Variants in PGK1 observed in about 807,000 individuals in gnomAD.
The protein encoded by PGK1 is phosphoglycerate kinase 1.
PGK1 carries 3 observed loss-of-function variants against 26.9 expected under a neutral mutation model. The ratio of observed to expected loss-of-function variants is 0.11; its 90% CI spans 0.05 to 0.29. PGK1 has a LOEUF of 0.29. Among genes scored for constraint, PGK1 ranks in the 10% least tolerant of loss-of-function variants. PGK1 has a pLI of 1.00. For missense variants in PGK1, 270 were observed against 314.7 expected, an observed-to-expected ratio of 0.86 and a Z score of 1.07; for synonymous variants, 125 against 115.3, an observed-to-expected ratio of 1.08 and a Z score of -0.54.
At chrX:78,119,544 G>A (rs1421517386) in intron 6 of PGK1, among the ~76,000 whole-genome samples, 1 of 111,772 alleles carries the variant, frequency 8.9e-6, no homozygotes, top group African/African-American at 3.3e-5. Context: ...TCAATTTCAG[G>A]TAGCATAGTT....
intron 4 of PGK1, among the ~76,000 whole-genome samples, chrX:78,116,769 A>G (rs1010756048): frequency 1.8e-4 from 20 of 112,371 alleles, no homozygotes; most frequent in African/African-American, 5.8e-4. Flanking sequence ...AGAAGGTCAT[A>G]AAATACCTTT....
chrX:78,104,577 T>A (rs781896566), intron 1 of PGK1, among the ~76,000 whole-genome samples, 172 bp downstream of exon 1: 2 of 111,046 alleles, frequency 1.8e-5, no homozygotes, highest in African/African-American at 6.6e-5. Flanking sequence ...CTAGCCGCAT[T>A]TTCCCCAGCC....
At chrX:78,114,538 T>TA (rs1557247266) in intron 4 of PGK1, among the ~76,000 whole-genome samples, 1 of 109,323 alleles carries the variant, frequency 9.1e-6, no homozygotes, top group African/African-American at 3.4e-5. Flanking sequence ...CTCTTTAAGA[T>TA]AGAGGTACAG....
At chrX:78,121,902 A>G (rs935951829) in intron 6 of PGK1, among the ~76,000 whole-genome samples, 4 of 112,244 alleles carry the variant, frequency 3.6e-5, no homozygotes, top group East Asian at 2.8e-4. Flanking sequence ...AATAAATGCC[A>G]TAAAGAAAAT....
intron 6 of PGK1, among the ~76,000 whole-genome samples, chrX:78,121,288 C>T (rs1212949250): frequency 1.8e-5 from 2 of 111,906 alleles, no homozygotes; most frequent in East Asian, 2.8e-4. Flanking sequence ...TAATAATCTC[C>T]TATTTATTAC....
At chrX:78,112,180 G>GT (rs1175399705) in intron 2 of PGK1, among the ~76,000 whole-genome samples, 4 of 110,738 alleles carry the variant, frequency 3.6e-5, no homozygotes, top group African/African-American at 6.6e-5. Flanking sequence ...ACAATGGTTT[G>GT]TTTTTTTTCT....
intron 2 of PGK1, among the ~76,000 whole-genome samples, chrX:78,110,946 T>TA (rs1177902521): frequency 1.9e-5 from 2 of 106,775 alleles, no homozygotes; most frequent in African/African-American, 6.9e-5. Flanking sequence ...GTCTTTACTT[T>TA]CTTTTTAATT....
intron 4 of PGK1, among the ~76,000 whole-genome samples, chrX:78,115,643 G>C (rs1370643613): frequency 1.8e-5 from 2 of 111,772 alleles, no homozygotes; most frequent in Non-Finnish European, 3.8e-5. Flanking sequence ...AACAGAGCAA[G>C]ACTCTGTCTC....
intron 6 of PGK1, among the ~76,000 whole-genome samples, chrX:78,119,217 A>G (rs892564266): frequency 8.9e-6 from 1 of 112,050 alleles, no homozygotes; most frequent in African/African-American, 3.2e-5. Context: ...TGTTTAATAT[A>G]TAATTTAGAC....
intron 1 of PGK1, among the ~76,000 whole-genome samples, chrX:78,106,107 GGCGGGATTGGAGGAGCT>G (rs1428041459): frequency 1.8e-5 from 2 of 111,557 alleles, no homozygotes; most frequent in Non-Finnish European, 3.8e-5. Context: ...GCTAGCTGGG[GGCGGGATTGGAGGAGCT>G]GCTTAACTTT....
intron 9 of PGK1, 81 bp from the exon 10 acceptor site, chrX:78,125,246 C>A: frequency 1.2e-6 from 1 of 822,859 alleles, no homozygotes; most frequent in Non-Finnish European, 1.8e-6. Flanking sequence ...GGTTGGGGAG[C>A]ACACTGCCTT....
At position 78,104,252 on chromosome X, in the gene PGK1, C is replaced by G. The variant is rs1557245884; in HGVS notation, c.-89C>G. 1.4e-6 allele frequency: 1 copy of G among 700,174 alleles called. No homozygotes were observed. The highest frequency in any genetic ancestry group is 2.3e-6 in the Non-Finnish European group (1 of 438,760). The allele number at this position is 700,174 out of a possible 1,213,427, so 57.7% of individuals were successfully genotyped here. A position where few individuals can be genotyped will look rare whatever the true frequency, so the allele number is the denominator to read the frequency against. On this transcript the variant is annotated 5_prime_UTR_variant, in exon 1 of 11. Coordinates refer to ENST00000373316, the MANE Select transcript of PGK1 (RefSeq NM_000291.4). ...CCCTGTTCCTGCCCGCGCGGTGTTC[C>G]GCATTCTGCAAGCCTCCGGAGCGCA...
Position 78,128,028 on chromosome X carries a change from C to A in PGK1, c.*2198C>A. On this transcript the variant is annotated 3_prime_UTR_variant, in exon 11 of 11. Coordinates refer to ENST00000373316, the MANE Select transcript of PGK1 (RefSeq NM_000291.4). ...TCTGACTGTACCTTTTAAGTACTTT[C>A]TACTGGACTGTTTCCAGGATCACCC... 1 of 112,512 alleles carries A rather than the reference C, an allele frequency of 8.9e-6. No individual in the cohort carries two copies. The highest frequency in any genetic ancestry group is 2.8e-4 in the East Asian group (1 of 3,608). The allele number at this position is 112,512 out of a possible 1,213,427, so 9.3% of individuals were successfully genotyped here.
chrX:78,114,145 T>A lies in PGK1; in HGVS notation c.402T>A (p.Asp134Glu). The change falls in exon 4 of 11, where the codon GAT (aspartate) becomes GAA (glutamate). Residue 134 changes from aspartate (D) to glutamate (E), a missense_variant. Asp to Glu is a conservative substitution (Grantham distance 45, BLOSUM62 2). Around this residue, in one of 3 missense-constraint regions of PGK1, gnomAD observed 150 missense variants for 154.6 expected, o/e 0.97. Coordinates refer to ENST00000373316, the MANE Select transcript of PGK1 (RefSeq NM_000291.4). Reference sequence around the variant, plus strand: ...TGGAGGAAGAAGGGAAGGGAAAAGATGCTTCTGGGAACAAGGTAGGACCTG... The same window carrying A: ...TGGAGGAAGAAGGGAAGGGAAAAGAAGCTTCTGGGAACAAGGTAGGACCTG... Reference protein sequence around the residue: ...FHVEEEGKGKDASGNKVKAEP... With the variant: ...FHVEEEGKGKEASGNKVKAEP... 1 of 1,211,129 alleles carries A rather than the reference T, an allele frequency of 8.3e-7. No individual in the cohort carries two copies.
Position 78,123,082 on chromosome X carries a change from C to T in PGK1, c.757-113C>T, listed in dbSNP as rs181640103. 511 of 734,464 alleles carry T rather than the reference C, an allele frequency of 7.0e-4. 5 individuals carry two copies. In the African/African-American group the frequency reaches 8.8e-3, roughly 13 times the overall value. 60.5% of individuals were successfully genotyped at this position (734,464 alleles called of 1,213,427 possible). On this transcript the variant is annotated intron_variant, in intron 7 of 10. Coordinates refer to ENST00000373316, the MANE Select transcript of PGK1 (RefSeq NM_000291.4). The stretch of plus-strand genomic sequence containing the variant: ...TTTTTATTTATTTTGGCAAGTCTTT[C>T]GTCTTTGCATTGTTCCTTTATATTG...
Position 78,127,319 on chromosome X carries a change from G to T in PGK1, c.*1489G>T, listed in dbSNP as rs1473528582. On this transcript the variant is annotated 3_prime_UTR_variant, in exon 11 of 11. Transcript: ENST00000373316. ...TGAGACTCGAAGCCACTGTTTCATT[G>T]TCACTATTGAGAATCTAAATGGCCA... 8.9e-6 allele frequency: 1 copy of T among 112,437 alleles called. No individual in the cohort carries two copies. The highest frequency in any genetic ancestry group is 1.9e-5 in the Non-Finnish European group (1 of 53,303). The allele number at this position is 112,437 out of a possible 1,213,427, so 9.3% of individuals were successfully genotyped here. A position where few individuals can be genotyped will look rare whatever the true frequency, so the allele number is the denominator to read the frequency against.
intron 1 of PGK1, chrX:78,106,801 CTT>C (rs1407775775): frequency 6.4e-6 from 1 of 157,442 alleles, no homozygotes; most frequent in Non-Finnish European, 1.1e-5. Context: ...AATTTCCTTT[CTT>C]TCTCTCATAG....
intron 6 of PGK1, among the ~76,000 whole-genome samples, chrX:78,120,856 CTT>C (rs782274934): frequency 8.9e-6 from 1 of 112,127 alleles, no homozygotes; most frequent in East Asian, 2.8e-4. Context: ...GGTTGAGTAT[CTT>C]TTATCTGAAA....
At chrX:78,108,019 T>G (rs1232822721) in intron 1 of PGK1, among the ~76,000 whole-genome samples, 2 of 110,466 alleles carry the variant, frequency 1.8e-5, no homozygotes, top group Non-Finnish European at 3.8e-5. Context: ...AAGTAGAATC[T>G]GTAGGCAAGA....
Sources: gnomAD v4.1 joint callset for allele counts (sites outside exome capture counted in the v4.1 genomes callset) on GRCh38, gnomAD v4.1.1 for gene constraint, gnomAD v4.1.1 regional missense constraint, MANE v1.5 for transcripts, NCBI Gene and HGNC (gene_info 2026-07-23, HGNC 2026-07-21) for gene names.